NRG3: variants seen among roughly 807,000 people sequenced by gnomAD.
NRG3 encodes pro-neuregulin-3, membrane-bound isoform.
NRG3 carries 31 observed loss-of-function variants against 66.9 expected under a neutral mutation model. That is an observed-to-expected ratio of 0.46 (90% CI 0.35 to 0.63). NRG3 has a LOEUF of 0.63. NRG3 is among the 20% of genes least tolerant of loss of function. The pLI is 0.00. For missense variants in NRG3, 910 were observed against 878.9 expected, an observed-to-expected ratio of 1.04 and a Z score of -0.45; for synonymous variants, 393 against 359.4, an observed-to-expected ratio of 1.09 and a Z score of -1.06.
intron 3 of NRG3, among the ~76,000 whole-genome samples, chr10:82,829,274 C>T (rs1414240088): frequency 6.6e-6 from 1 of 152,112 alleles, no homozygotes; most frequent in Non-Finnish European, 1.5e-5. Context: ...CTCTGCATTT[C>T]TGGATACCTA....
At chr10:82,106,828 G>T (rs2067095302) in intron 1 of NRG3, among the ~76,000 whole-genome samples, 1 of 151,964 alleles carries the variant, frequency 6.6e-6, no homozygotes, top group African/African-American at 2.4e-5. Context: ...TTTTTATCCA[G>T]GGATCTACAA....
At chr10:82,037,005 A>G (rs2062820922) in intron 1 of NRG3, among the ~76,000 whole-genome samples, 1 of 152,162 alleles carries the variant, frequency 6.6e-6, no homozygotes. Context: ...ATTATAATTT[A>G]TAATCACCAA....
chr10:82,860,056 G>A (rs1046039038), intron 3 of NRG3, among the ~76,000 whole-genome samples: 1 of 152,164 alleles, frequency 6.6e-6, no homozygotes, highest in Non-Finnish European at 1.5e-5. Flanking sequence ...TTGGTTCAAT[G>A]TTGGGCATAT....
At chr10:82,513,348 A>T (rs1033583958) in intron 2 of NRG3, among the ~76,000 whole-genome samples, 2 of 152,182 alleles carry the variant, frequency 1.3e-5, no homozygotes, top group African/African-American at 2.4e-5. Context: ...TCTTTATCCA[A>T]TCTATCATTG....
chr10:82,117,515 A>C (rs1425258491), intron 1 of NRG3, among the ~76,000 whole-genome samples: 1 of 152,082 alleles, frequency 6.6e-6, no homozygotes, highest in Non-Finnish European at 1.5e-5. Context: ...TGAGGAGAGA[A>C]TTGGAGAGTC....
At chr10:82,055,515 T>G (rs186478034) in intron 1 of NRG3, among the ~76,000 whole-genome samples, 1 of 151,820 alleles carries the variant, frequency 6.6e-6, no homozygotes, top group Admixed American at 6.6e-5. Flanking sequence ...AAAACAGTTT[T>G]AGTGTAGTGA....
chr10:82,460,978 A>G (rs991818989), intron 2 of NRG3, among the ~76,000 whole-genome samples: 1 of 152,148 alleles, frequency 6.6e-6, no homozygotes, highest in Non-Finnish European at 1.5e-5. Flanking sequence ...ATACTTCTTT[A>G]TGTGCTCTTG....
intron 3 of NRG3, among the ~76,000 whole-genome samples, chr10:82,858,181 G>A (rs1394486258): frequency 6.6e-6 from 1 of 152,178 alleles, no homozygotes; most frequent in African/African-American, 2.4e-5. Context: ...CTATTCCGCT[G>A]TCCTTTGACC....
chr10:82,673,635 C>T (rs3924461), intron 2 of NRG3, among the ~76,000 whole-genome samples: 59,262 of 151,788 alleles, frequency 0.39, 13,338 homozygotes, highest in African/African-American at 0.63. Context: ...TGAGGTCTAC[C>T]AGGAGAGAGC....
At chr10:82,138,578 A>C (rs1471154763) in intron 1 of NRG3, among the ~76,000 whole-genome samples, 1 of 152,198 alleles carries the variant, frequency 6.6e-6, no homozygotes, top group Non-Finnish European at 1.5e-5. Flanking sequence ...GGAGTTTATT[A>C]AGGAGAATTG....
intron 2 of NRG3, among the ~76,000 whole-genome samples, chr10:82,476,496 A>G (rs1383443603): frequency 6.6e-6 from 1 of 152,214 alleles, no homozygotes; most frequent in Non-Finnish European, 1.5e-5. Context: ...AATATGGTAT[A>G]TATACACAAT....
At chr10:81,950,068 A>G (rs1194689160) in intron 1 of NRG3, among the ~76,000 whole-genome samples, 1 of 152,184 alleles carries the variant, frequency 6.6e-6, no homozygotes, top group Non-Finnish European at 1.5e-5. Context: ...TATGATTTGC[A>G]TAGAGGTTCC....
At chr10:81,993,997 T>G (rs7905748) in intron 1 of NRG3, among the ~76,000 whole-genome samples, 2,361 of 152,264 alleles carry the variant, frequency 0.016, 63 homozygotes, top group African/African-American at 0.054. Flanking sequence ...CTATTGTTGT[T>G]TCCAAAGTTT....
chr10:82,674,362 C>T lies in NRG3; in HGVS notation c.954-64215C>T, dbSNP rs575292847. ...TTTGTTCAAAAACAACAATGGCTCT[C>T]AGTTGTCAGGGTGAGAGTTTAGAAT... On this transcript the variant is annotated intron_variant, in intron 2 of 8. Transcript: ENST00000372141. 2.8e-4 allele frequency among the ~76,000 whole-genome samples: 43 copies of T among 152,184 alleles called. 1 individual carries two copies. The highest frequency in any genetic ancestry group is 9.9e-4 in the African/African-American group (41 of 41,510).
At chr10:82,849,931 A>G (rs1052476833) in intron 3 of NRG3, among the ~76,000 whole-genome samples, 1 of 152,100 alleles carries the variant, frequency 6.6e-6, no homozygotes, top group Non-Finnish European at 1.5e-5. Context: ...TTAAGTTTTA[A>G]AGGGATCTCT....
At chr10:82,276,251 T>G (rs1329772156) in intron 1 of NRG3, among the ~76,000 whole-genome samples, 1 of 151,962 alleles carries the variant, frequency 6.6e-6, no homozygotes, top group East Asian at 1.9e-4. Flanking sequence ...TACAAATACC[T>G]GTTCAAGAAT....
intron 2 of NRG3, among the ~76,000 whole-genome samples, chr10:82,609,191 CAT>C (rs993690417): frequency 6.6e-6 from 1 of 152,104 alleles, no homozygotes; most frequent in African/African-American, 2.4e-5. Context: ...ATCAAAGTAA[CAT>C]ATTCAAAAGC....
chr10:82,323,143 CAG>C (rs1163745921), intron 1 of NRG3, among the ~76,000 whole-genome samples: 2 of 152,314 alleles, frequency 1.3e-5, no homozygotes, highest in Non-Finnish European at 2.9e-5. Context: ...TAAATTATGA[CAG>C]TGTTGCTTAT....
At chr10:82,178,458 A>G (rs921990589) in intron 1 of NRG3, among the ~76,000 whole-genome samples, 4 of 152,160 alleles carry the variant, frequency 2.6e-5, no homozygotes, top group Non-Finnish European at 4.4e-5. Flanking sequence ...GATACTTTAT[A>G]TAAGTGGAAT....
Sources: gnomAD v4.1 joint callset for allele counts (sites outside exome capture counted in the v4.1 genomes callset) on GRCh38, gnomAD v4.1.1 for gene constraint, MANE v1.5 for transcripts, NCBI Gene and HGNC (gene_info 2026-07-23, HGNC 2026-07-21) for gene names.